The following CTNNA3 variants were observed in gnomAD, a reference collection of about 807,000 sequenced individuals.
The protein encoded by CTNNA3 is catenin alpha-3.
A neutral mutation model predicts 95.7 loss-of-function variants in CTNNA3; 76 were observed. That is an observed-to-expected ratio of 0.79 (90% CI 0.66 to 0.96). The LOEUF is 0.96. Among genes scored for constraint, CTNNA3 ranks in the 40% least tolerant of loss-of-function variants. CTNNA3 has a pLI of 0.00. For synonymous variants in CTNNA3, 431 were observed against 374.4 expected (o/e 1.15, Z -1.74); for missense variants, 1,191 against 1,089.8 (o/e 1.09, Z -1.31).
At chr10:67,224,223 A>G (rs995253143) in intron 5 of CTNNA3, among the ~76,000 whole-genome samples, 1 of 152,206 alleles carries the variant, frequency 6.6e-6, no homozygotes, top group Non-Finnish European at 1.5e-5. Flanking sequence ...TTGAAAGTGT[A>G]TACCCTTTGA....
At chr10:67,407,549 T>G (rs1232928417) in intron 5 of CTNNA3, among the ~76,000 whole-genome samples, 1 of 152,128 alleles carries the variant, frequency 6.6e-6, no homozygotes, top group Non-Finnish European at 1.5e-5. Context: ...CAACATAGTA[T>G]TGGAAGTTCT....
At chr10:65,963,508 A>G (rs2077896484) in intron 17 of CTNNA3, among the ~76,000 whole-genome samples, 1 of 152,194 alleles carries the variant, frequency 6.6e-6, no homozygotes, top group Non-Finnish European at 1.5e-5. Context: ...TGCACATCAA[A>G]TAAATTATTT....
At chr10:66,252,776 G>A (rs1362632077) in intron 13 of CTNNA3, among the ~76,000 whole-genome samples, 1 of 152,180 alleles carries the variant, frequency 6.6e-6, no homozygotes, top group Non-Finnish European at 1.5e-5. Flanking sequence ...ATTTGAAAAG[G>A]AACCATCGGA....
intron 15 of CTNNA3, among the ~76,000 whole-genome samples, chr10:66,037,296 G>T (rs531171551): frequency 1.3e-5 from 2 of 152,234 alleles, no homozygotes; most frequent in Non-Finnish European, 2.9e-5. Flanking sequence ...ACTAAATTTG[G>T]TTAAAAGAAT....
chr10:67,723,166 T>C (rs537346672), intron 1 of CTNNA3, among the ~76,000 whole-genome samples: 1 of 152,126 alleles, frequency 6.6e-6, no homozygotes, highest in East Asian at 1.9e-4. Flanking sequence ...TTTGTATTTT[T>C]AGTTGAGATG....
At chr10:67,376,927 A>G (rs1261503127) in intron 5 of CTNNA3, among the ~76,000 whole-genome samples, 1 of 152,222 alleles carries the variant, frequency 6.6e-6, no homozygotes, top group Non-Finnish European at 1.5e-5. Context: ...GCTCAAAGAT[A>G]TATGTTAGAG....
intron 1 of CTNNA3, 131 bp from the exon 2 acceptor site, chr10:67,647,649 G>T: frequency 1.6e-6 from 1 of 621,322 alleles, no homozygotes; most frequent in Non-Finnish European, 2.7e-6. Context: ...AGCCCTCAGA[G>T]GACCAGGCTA....
intron 5 of CTNNA3, among the ~76,000 whole-genome samples, chr10:67,246,968 T>A (rs1445924414): frequency 6.6e-6 from 1 of 152,190 alleles, no homozygotes; most frequent in African/African-American, 2.4e-5. Context: ...CACTATTTGA[T>A]GTGTAAGGAA....
intron 14 of CTNNA3, among the ~76,000 whole-genome samples, chr10:66,086,487 G>A (rs1374474691): frequency 6.6e-6 from 1 of 151,854 alleles, no homozygotes; most frequent in African/African-American, 2.4e-5. Context: ...ATGGGCATGC[G>A]AATTTTTTTT....
At chr10:66,639,202 TAGAA>T (rs1213914892) in intron 9 of CTNNA3, among the ~76,000 whole-genome samples, 1 of 81,454 alleles carries the variant, frequency 1.2e-5, no homozygotes, top group Admixed American at 1.2e-4. Flanking sequence ...AGTTGAACCA[TAGAA>T]AAAGAAATCA....
intron 7 of CTNNA3, among the ~76,000 whole-genome samples, chr10:67,032,359 T>C (rs2133113679): frequency 6.6e-6 from 1 of 152,214 alleles, no homozygotes; most frequent in Non-Finnish European, 1.5e-5. Flanking sequence ...GTAAAGTAAA[T>C]TTGCCTACTT....
At chr10:66,095,804 A>G (rs2081367309) in intron 14 of CTNNA3, among the ~76,000 whole-genome samples, 1 of 152,020 alleles carries the variant, frequency 6.6e-6, no homozygotes, top group Non-Finnish European at 1.5e-5. Context: ...AACCTAGGCA[A>G]CTGTTCTTAT....
rs187253119 is a variant in CTNNA3 at position 66,782,908 on chromosome 10, A to T, written c.1048-7384T>A. Among the ~76,000 whole-genome samples the T allele has an allele frequency of 1.9e-3, 285 of 152,218 alleles. 1 individual carries two copies. Among genetic ancestry groups the T allele is most frequent in the African/African-American group, 6.6e-3 (276 of 41,548 alleles). ...TAAAAATCTAACCTGTGAATCAGAA[A>T]ATGGGGTTTCTAAAATAAGCTCTCT... On this transcript the variant is annotated intron_variant, in intron 7 of 17. Coordinates refer to ENST00000433211, the MANE Select transcript of CTNNA3 (RefSeq NM_013266.4).
intron 13 of CTNNA3, among the ~76,000 whole-genome samples, chr10:66,186,267 C>A (rs1042876314): frequency 7.0e-6 from 1 of 143,680 alleles, no homozygotes; most frequent in Non-Finnish European, 1.5e-5. Flanking sequence ...CAATTAAAAA[C>A]AAAATAAAAT....
intron 17 of CTNNA3, among the ~76,000 whole-genome samples, chr10:65,932,010 A>C (rs1161688611): frequency 6.6e-6 from 1 of 152,214 alleles, no homozygotes; most frequent in Non-Finnish European, 1.5e-5. Flanking sequence ...TGTAAATTCA[A>C]AGAATAAAGT....
chr10:66,803,709 G>A (rs1431084934), intron 7 of CTNNA3, among the ~76,000 whole-genome samples: 2 of 152,020 alleles, frequency 1.3e-5, no homozygotes, highest in African/African-American at 4.8e-5. Context: ...GCATAGAGAA[G>A]TTTATTGCCC....
chr10:65,940,746 T>C (rs186385695), intron 17 of CTNNA3, among the ~76,000 whole-genome samples: 8 of 152,322 alleles, frequency 5.3e-5, no homozygotes, highest in Admixed American at 4.6e-4. Context: ...CAGTTAAATT[T>C]TGGGATTATA....
chr10:67,155,060 C>G (rs1861247276), intron 7 of CTNNA3, among the ~76,000 whole-genome samples: 1 of 152,140 alleles, frequency 6.6e-6, no homozygotes, highest in Admixed American at 6.5e-5. Flanking sequence ...CATTTCTACT[C>G]CATTCGTAAT....
intron 11 of CTNNA3, among the ~76,000 whole-genome samples, chr10:66,442,934 TG>T (rs2093386546): frequency 6.6e-6 from 1 of 152,102 alleles, no homozygotes; most frequent in Non-Finnish European, 1.5e-5. Context: ...AGACGTCACG[TG>T]GAAAATCAGG....
Sources: gnomAD v4.1 joint callset for allele counts (sites outside exome capture counted in the v4.1 genomes callset) on GRCh38, gnomAD v4.1.1 for gene constraint, MANE v1.5 for transcripts, NCBI Gene and HGNC (gene_info 2026-07-23, HGNC 2026-07-21) for gene names.